RTTN: variants seen among roughly 807,000 people sequenced by gnomAD.
The protein encoded by RTTN is rotatin.
RTTN carries 182 observed loss-of-function variants against 269.2 expected under a neutral mutation model. That is an observed-to-expected ratio of 0.68 (90% CI 0.60 to 0.76). The LOEUF (loss-of-function observed/expected upper bound fraction) is 0.76, where lower values mean the gene tolerates loss of function less well. Among genes scored for constraint, RTTN ranks in the 30% least tolerant of loss-of-function variants. The pLI is 0.00. For missense variants in RTTN, 2,545 were observed against 2,608.6 expected (o/e 0.98, Z 0.53); for synonymous variants, 1,006 against 963.5 (o/e 1.04, Z -0.82).
intron 24 of RTTN, chr18:70,128,122 C>G: frequency 2.2e-6 from 1 of 463,606 alleles, no homozygotes; most frequent in Non-Finnish European, 3.8e-6. Context: ...AGACTTTAAC[C>G]TCTAAAACAG....
intron 28 of RTTN, among the ~76,000 whole-genome samples, chr18:70,097,280 T>C (rs1049634566): frequency 6.6e-6 from 1 of 152,232 alleles, no homozygotes; most frequent in Non-Finnish European, 1.5e-5. Context: ...ATTAGAAATA[T>C]GGCTCCCTTC....
At chr18:70,074,083 C>A in intron 33 of RTTN, 89 bp from the exon 34 acceptor site, 7 of 799,292 alleles carry the variant, frequency 8.8e-6, no homozygotes, top group South Asian at 1.7e-5. Context: ...GAAACCAATT[C>A]AAAACTAAAG....
intron 38 of RTTN, among the ~76,000 whole-genome samples, chr18:70,052,702 AAAC>A (rs1174736403): frequency 6.7e-6 from 1 of 150,328 alleles, no homozygotes; most frequent in Admixed American, 6.7e-5. Flanking sequence ...ATTCATATAA[AAAC>A]AACAGCAATA....
At chr18:70,134,662 A>G (rs1205442252) in intron 22 of RTTN, 121 bp from the exon 23 acceptor site, 5 of 622,248 alleles carry the variant, frequency 8.0e-6, no homozygotes, top group Non-Finnish European at 1.1e-5. Context: ...AACTGAGTCT[A>G]TCATTTAGTA....
intron 32 of RTTN, among the ~76,000 whole-genome samples, chr18:70,081,527 G>T (rs2058568310): frequency 6.6e-6 from 1 of 152,054 alleles, no homozygotes; most frequent in African/African-American, 2.4e-5. Context: ...CTCTTGACAT[G>T]TTGCACTGAG....
intron 25 of RTTN, among the ~76,000 whole-genome samples, chr18:70,125,823 G>A (rs1428807706): frequency 6.6e-6 from 1 of 151,842 alleles, no homozygotes; most frequent in African/African-American, 2.4e-5. Context: ...CAAAACTAAA[G>A]TTTCCCAAAG....
chr18:70,199,652 G>A, intron 4 of RTTN, 148 bp from the exon 5 acceptor site: 1 of 544,704 alleles, frequency 1.8e-6, no homozygotes, highest in African/African-American at 1.9e-5. Context: ...AAGGTCAGCT[G>A]CAAATTTGTT....
At chr18:70,188,023 G>C in intron 10 of RTTN, 85 bp downstream of exon 10, 1 of 748,128 alleles carries the variant, frequency 1.3e-6, no homozygotes. Context: ...TTTTGAACAC[G>C]AATGAGACAA....
rs2061896582 is a variant in RTTN, at chr18:70,199,491, C to T, written c.501G>A (p.Val167=). The T allele has an allele frequency of 6.2e-7, 1 of 1,610,860 alleles. No homozygotes were observed. The highest frequency in any genetic ancestry group is 1.3e-5 in the African/African-American group (1 of 74,832). Residue 167 remains valine, a synonymous_variant, in exon 5 of 49, where the codon GTG becomes GTA. Transcript: ENST00000640769. ...GAAATGTAGAAAACTTCAAGCACTT[C>T]ACAGTCTGATTTACTGTCAGTGAAA... The part of the protein sequence containing the change: ...VPPRPVVNQT[V]KCLKFSTFPW...
chr18:70,058,696 T>C (rs1003214406), intron 36 of RTTN, among the ~76,000 whole-genome samples: 11 of 152,136 alleles, frequency 7.2e-5, no homozygotes, highest in Non-Finnish European at 1.5e-4. Context: ...GCAAAGAAGA[T>C]CCTATCCCTA....
At chr18:70,094,495 T>C (rs900157376) in intron 28 of RTTN, among the ~76,000 whole-genome samples, 3 of 152,164 alleles carry the variant, frequency 2.0e-5, no homozygotes, top group Non-Finnish European at 4.4e-5. Flanking sequence ...CTTTGTTCTC[T>C]TTGGTTTCAA....
intron 40 of RTTN, among the ~76,000 whole-genome samples, chr18:70,038,370 C>T (rs1422414027): frequency 6.6e-6 from 1 of 152,114 alleles, no homozygotes; most frequent in Non-Finnish European, 1.5e-5. Context: ...CACAGGGATG[C>T]TAATATCACC....
In RTTN at chr18:70,017,394, T is replaced by C. The variant is rs1186116980; in HGVS notation, c.6421+13A>G. 6.2e-7 allele frequency: 1 copy of C among 1,609,962 alleles called. No homozygotes were observed. Among genetic ancestry groups the C allele is most frequent in the East Asian group, 2.2e-5 (1 of 44,820 alleles). ...AACTACATATATAAATGTATGTGTGTGTGAAAACTTACCATTAGCCAGGAT... is the reference window on the plus strand; with the variant it reads ...AACTACATATATAAATGTATGTGTGCGTGAAAACTTACCATTAGCCAGGAT... On this transcript the variant is annotated intron_variant, in intron 46 of 48. Transcript: ENST00000640769.
chr18:70,091,035 A>C (rs1227219884), intron 30 of RTTN, among the ~76,000 whole-genome samples: 4 of 152,172 alleles, frequency 2.6e-5, no homozygotes, highest in Non-Finnish European at 4.4e-5. Context: ...TTTTGGAAGC[A>C]TATAACTTGT....
chr18:70,166,963 C>T lies in RTTN; in HGVS notation c.1758G>A (p.Gln586=). The T allele has an allele frequency of 6.2e-7, 1 of 1,613,480 alleles. No individual in the cohort carries two copies. The highest frequency in any genetic ancestry group is 8.5e-7 in the Non-Finnish European group (1 of 1,179,656). The change falls in exon 13 of 49, where the codon CAG becomes CAA. Residue 586 remains glutamine (Q), a synonymous_variant. Transcript: ENST00000640769. ...DQALRSFSYH[Q]HFPLIKEIIS... is the part of the protein sequence containing the mutation. The stretch of plus-strand genomic sequence containing the variant: ...TGATTTCCTTTATTAGCGGGAAATG[C>T]TGATGATAGGAAAAGCTACGCAAGG...
At position 70,105,101 on chromosome 18, in the gene RTTN, G is replaced by A. The variant is rs1046091987; in HGVS notation, c.3903+4397C>T. Among the ~76,000 whole-genome samples, 30 of 152,212 alleles carry A rather than the reference G, an allele frequency of 2.0e-4. 1 individual carries two copies. Among genetic ancestry groups the A allele is most frequent in the Non-Finnish European group, 1.0e-4 (7 of 68,040 alleles). On this transcript the variant is annotated intron_variant, in intron 28 of 48. Coordinates refer to ENST00000640769, the MANE Select transcript of RTTN (RefSeq NM_173630.4). The stretch of plus-strand genomic sequence containing the variant: ...GCTATGCCCTGCCCCCAGAAGTGGA[G>A]TCTACAGAGGCAGGCAGGCCTCCTT...
intron 46 of RTTN, among the ~76,000 whole-genome samples, chr18:70,013,613 A>G (rs932436823): frequency 6.6e-6 from 1 of 152,260 alleles, no homozygotes; most frequent in Non-Finnish European, 1.5e-5. Flanking sequence ...AGTAAAATGT[A>G]AATAATGAGA....
chr18:70,074,110 A>G (rs971532361), intron 33 of RTTN, 116 bp from the exon 34 acceptor site: 3 of 618,184 alleles, frequency 4.9e-6, no homozygotes, highest in Non-Finnish European at 8.4e-6. Context: ...AAAAACTTAT[A>G]TGGATCTGGC....
intron 14 of RTTN, among the ~76,000 whole-genome samples, chr18:70,152,795 A>G (rs540156979): frequency 4.2e-4 from 64 of 152,122 alleles, no homozygotes; most frequent in Admixed American, 1.4e-3. Flanking sequence ...GGGCTACTAC[A>G]ATGAAACTGG....
Sources: allele counts gnomAD v4.1 joint callset (sites outside exome capture counted in the v4.1 genomes callset), GRCh38; gene constraint gnomAD v4.1.1; transcripts MANE v1.5; gene names NCBI Gene and HGNC (gene_info 2026-07-23, HGNC 2026-07-21).